PRICKLE1: variants seen among roughly 807,000 people sequenced by gnomAD.
PRICKLE1 encodes prickle planar cell polarity protein 1, also known as prickle-like protein 1.
Under a neutral mutation model 70.2 loss-of-function variants are expected in PRICKLE1, and 14 were observed. The observed-to-expected ratio is 0.20, with a 90% CI of 0.13 to 0.31. The LOEUF (loss-of-function observed/expected upper bound fraction) is 0.31. Among genes scored for constraint, PRICKLE1 ranks in the 10% least tolerant of loss-of-function variants. The probability of loss-of-function intolerance (pLI) is 1.00; values close to 1 mark genes in which losing one functional copy is unlikely to be tolerated. For missense variants in PRICKLE1, 821 were observed against 1,026.2 expected (o/e 0.80, Z 2.73); for synonymous variants, 357 against 379.9 (o/e 0.94, Z 0.70).
intron 1 of PRICKLE1, among the ~76,000 whole-genome samples, chr12:42,499,593 G>A (rs1207357827): frequency 1.3e-5 from 2 of 151,988 alleles, no homozygotes; most frequent in African/African-American, 2.4e-5. Context: ...GCTCATTTTT[G>A]TATTTTTAGT....
intron 1 of PRICKLE1, among the ~76,000 whole-genome samples, chr12:42,475,249 C>T (rs1938477529): frequency 6.6e-6 from 1 of 152,186 alleles, no homozygotes; most frequent in Non-Finnish European, 1.5e-5. Context: ...AGTGACAATA[C>T]CCTTTTCATT....
rs1317683485 is a variant in PRICKLE1 at position 42,527,950 on chromosome 12, T to C, written c.-48-55386A>G. Among the ~76,000 whole-genome samples, 348 of 48,598 alleles carry C rather than the reference T, an allele frequency of 7.2e-3. 13 individuals carry two copies. Among genetic ancestry groups the C allele is most frequent in the African/African-American group, 0.015 (238 of 15,664 alleles). The allele number at this position is 48,598 out of a possible 152,430, so 31.9% of individuals were successfully genotyped here. ...ATATATATATATATATATATATATA[T>C]ATATATATATATATATATATATCTC... On this transcript the variant is annotated intron_variant, in intron 1 of 7. Coordinates refer to ENST00000345127, the MANE Select transcript of PRICKLE1 (RefSeq NM_153026.3).
chr12:42,498,943 T>G (rs182930117), intron 1 of PRICKLE1, among the ~76,000 whole-genome samples: 6 of 152,356 alleles, frequency 3.9e-5, no homozygotes, highest in African/African-American at 1.4e-4. Flanking sequence ...GAGCTCTCAC[T>G]GCTCCAGAAC....
intron 1 of PRICKLE1, among the ~76,000 whole-genome samples, chr12:42,516,170 C>G (rs987014888): frequency 1.3e-5 from 2 of 152,044 alleles, no homozygotes; most frequent in Admixed American, 6.6e-5. Flanking sequence ...CTCGCTCTGT[C>G]GCTCAGGCTG....
chr12:42,508,516 T>A (rs1424795238), intron 1 of PRICKLE1, among the ~76,000 whole-genome samples: 2 of 152,186 alleles, frequency 1.3e-5, no homozygotes, highest in Non-Finnish European at 2.9e-5. Context: ...GTATATAACA[T>A]ACACCAAATT....
At chr12:42,463,025 A>C (rs1333387693) in intron 7 of PRICKLE1, among the ~76,000 whole-genome samples, 1 of 152,240 alleles carries the variant, frequency 6.6e-6, no homozygotes, top group Non-Finnish European at 1.5e-5. Context: ...CTGTGCTTTG[A>C]AAACATTAAA....
In PRICKLE1 at chr12:42,459,196, GTTAAA is replaced by G. The variant is rs1937695330; in HGVS notation, c.*608_*612del. 1 of 680,190 alleles carries G rather than the reference GTTAAA, an allele frequency of 1.5e-6. No individual in the cohort carries two copies. Among genetic ancestry groups the G allele is most frequent in the Non-Finnish European group, 2.7e-6 (1 of 376,642 alleles). 42.1% of individuals were successfully genotyped at this position (680,190 alleles called of 1,614,324 possible). A position where few individuals can be genotyped will look rare whatever the true frequency, so the allele number is the denominator to read the frequency against. On this transcript the variant is annotated 3_prime_UTR_variant, in exon 8 of 8. Transcript: ENST00000345127. ...CAGTATATACATTAATATTTGCACC[GTTAAA>G]TTAGGAATACACTTAAGTCTATGAA... is the stretch of plus-strand genomic sequence containing the variant.
intron 1 of PRICKLE1, among the ~76,000 whole-genome samples, chr12:42,503,302 A>G (rs1176006437): frequency 6.6e-6 from 1 of 152,168 alleles, no homozygotes; most frequent in African/African-American, 2.4e-5. Flanking sequence ...CCTTTTGACA[A>G]CATTTCACAC....
chr12:42,563,008 C>A (rs965207070), intron 1 of PRICKLE1, among the ~76,000 whole-genome samples: 16 of 151,276 alleles, frequency 1.1e-4, no homozygotes, highest in Admixed American at 4.6e-4. Flanking sequence ...CATGGTGAAA[C>A]CCTGTCTCTA....
intron 1 of PRICKLE1, among the ~76,000 whole-genome samples, chr12:42,496,349 T>C (rs1356286876): frequency 3.3e-5 from 5 of 152,230 alleles, no homozygotes; most frequent in Admixed American, 3.3e-4. Flanking sequence ...CCAGAAGCCA[T>C]ATGGATGTTG....
intron 1 of PRICKLE1, among the ~76,000 whole-genome samples, chr12:42,523,720 G>T (rs1939752257): frequency 6.6e-6 from 1 of 152,168 alleles, no homozygotes; most frequent in Non-Finnish European, 1.5e-5. Flanking sequence ...GTCAGAACAG[G>T]TGATTTGGAT....
intron 1 of PRICKLE1, among the ~76,000 whole-genome samples, chr12:42,588,335 C>T (rs1386031962): frequency 6.6e-6 from 1 of 152,150 alleles, no homozygotes; most frequent in Non-Finnish European, 1.5e-5. Flanking sequence ...CTGATTAAGA[C>T]GAGGCAGTAG....
At chr12:42,476,708 C>T (rs1254698006) in intron 1 of PRICKLE1, among the ~76,000 whole-genome samples, 2 of 152,094 alleles carry the variant, frequency 1.3e-5, no homozygotes, top group Non-Finnish European at 2.9e-5. Context: ...TGCAGTGGCA[C>T]AATCATGGCT....
intron 2 of PRICKLE1, among the ~76,000 whole-genome samples, chr12:42,472,044 A>T (rs936588326): frequency 6.6e-6 from 1 of 152,184 alleles, no homozygotes; most frequent in African/African-American, 2.4e-5. Flanking sequence ...GTTGTCACAG[A>T]AGTTTTTTAA....
Position 42,539,220 on chromosome 12 carries a change from C to T in PRICKLE1, c.-49+50245G>A, listed in dbSNP as rs146900825. ...CGGTGGCTCACGCCTGTAATCCCAG[C>T]ATTTTGGGAGGCCGAGGCGGGTGGA... On this transcript the variant is annotated intron_variant, in intron 1 of 7. Coordinates refer to ENST00000345127, the MANE Select transcript of PRICKLE1 (RefSeq NM_153026.3). Among the ~76,000 whole-genome samples the T allele has an allele frequency of 7.9e-3, 1,196 of 152,258 alleles. 11 individuals are homozygous for T. The highest frequency in any genetic ancestry group is 0.012 in the Non-Finnish European group (808 of 68,024).
chr12:42,488,046 C>CATAA lies in PRICKLE1; in HGVS notation c.-48-15486_-48-15483dup. Among the ~76,000 whole-genome samples the CATAA allele has an allele frequency of 2.0e-5, 3 of 152,060 alleles. 1 individual carries two copies. The highest frequency in any genetic ancestry group is 7.2e-5 in the African/African-American group (3 of 41,470). On this transcript the variant is annotated intron_variant, in intron 1 of 7. Transcript: ENST00000345127. ...ACAGAGTGATACCCTGTCTCCAAAA[C>CATAA]ATAAATAAATAAAATGAAATAAACA...
At chr12:42,501,973 C>T (rs777911842) in intron 1 of PRICKLE1, among the ~76,000 whole-genome samples, 6 of 152,084 alleles carry the variant, frequency 3.9e-5, no homozygotes, top group Non-Finnish European at 8.8e-5. Context: ...AGGAGCAATT[C>T]GAAGAAGGTG....
intron 1 of PRICKLE1, among the ~76,000 whole-genome samples, chr12:42,496,565 C>G (rs982120012): frequency 2.0e-5 from 3 of 152,208 alleles, no homozygotes; most frequent in Admixed American, 2.0e-4. Flanking sequence ...GCATCGTCTT[C>G]CAGTATAGGA....
At chr12:42,507,268 T>C (rs966625019) in intron 1 of PRICKLE1, among the ~76,000 whole-genome samples, 9 of 152,176 alleles carry the variant, frequency 5.9e-5, no homozygotes, top group African/African-American at 2.2e-4. Context: ...AGCAGGCAGA[T>C]CACGTGTCAT....
Sources: gnomAD v4.1 joint callset for allele counts (sites outside exome capture counted in the v4.1 genomes callset) on GRCh38, gnomAD v4.1.1 for gene constraint, MANE v1.5 for transcripts, NCBI Gene and HGNC (gene_info 2026-07-23, HGNC 2026-07-21) for gene names.